RNF213: variants seen among roughly 807,000 people sequenced by gnomAD.
RNF213 encodes the protein E3 ubiquitin-protein ligase RNF213.
Under a neutral mutation model 514.4 loss-of-function variants are expected in RNF213, and 341 were observed. The ratio of observed to expected loss-of-function variants is 0.66; its 90% CI spans 0.61 to 0.73. The LOEUF is 0.73. Among genes scored for constraint, RNF213 ranks in the 30% least tolerant of loss-of-function variants. The pLI, the probability that RNF213 is intolerant of heterozygous loss-of-function variation, is 0.00. For synonymous variants in RNF213, 2,655 were observed against 2,658.2 expected (o/e 1.00, Z 0.04); for missense variants, 5,767 against 6,615.6 (o/e 0.87, Z 4.45).
intron 54 of RNF213, 91 bp from the exon 55 acceptor site, chr17:80,379,529 G>A (rs749783638): frequency 5.8e-6 from 7 of 1,197,318 alleles, no homozygotes; most frequent in African/African-American, 1.5e-5. Flanking sequence ...CACGTCTGCC[G>A]GTGATAAGGA....
intron 54 of RNF213, among the ~76,000 whole-genome samples, chr17:80,378,420 T>C (rs2079849595): frequency 6.6e-6 from 1 of 152,214 alleles, no homozygotes; most frequent in African/African-American, 2.4e-5. Flanking sequence ...AGCAAGAGGC[T>C]GGTGGGTTGA....
Position 80,377,762 on chromosome 17 carries a change from C to T in RNF213, c.13511C>T (p.Thr4504Ile). 6.2e-7 allele frequency: 1 copy of T among 1,614,150 alleles called. No homozygotes were observed. The highest frequency in any genetic ancestry group is 8.5e-7 in the Non-Finnish European group (1 of 1,180,012). ...AATGTGTGTCCTGTTCTCTTCACAG[C>T]TTGTCCCAACGGCCATCCTTGCTCC... ...WKGLERVHWY[T>I]CPNGHPCSVG... The change falls in exon 54 of 68, where the codon ACT becomes ATT. Residue 4504 changes from threonine to isoleucine, a missense_variant and splice_region_variant. Coordinates refer to ENST00000582970, the MANE Select transcript of RNF213 (RefSeq NM_001256071.3). The surrounding 1 kb of genome is among the most constrained non-coding windows in gnomAD (Gnocchi z 4.1).
chr17:80,349,851 A>G lies in RNF213; in HGVS notation c.10033A>G (p.Thr3345Ala). Residue 3345 changes from threonine (T) to alanine (A), a missense_variant, in exon 30 of 68, where the codon ACA becomes GCA. By Grantham distance (58) the Thr-to-Ala change is moderately conservative. Coordinates refer to ENST00000582970, the MANE Select transcript of RNF213 (RefSeq NM_001256071.3). The stretch of plus-strand genomic sequence containing the variant: ...GGTCACAGGCAGGGCTCCGAAACCC[A>G]CACTCCTGTGGCTGCAGCAGTTTGA... ...SEVTGRAPKP[T>A]LLWLQQFDTE... 1 of 1,614,156 alleles carries G rather than the reference A, an allele frequency of 6.2e-7. No homozygotes were observed. The highest frequency in any genetic ancestry group is 8.5e-7 in the Non-Finnish European group (1 of 1,180,014).
chr17:80,367,538 C>G (rs1316642821), intron 42 of RNF213, among the ~76,000 whole-genome samples: 1 of 152,158 alleles, frequency 6.6e-6, no homozygotes, highest in Non-Finnish European at 1.5e-5. Context: ...AAAATCGTAA[C>G]TTGAGAATGT....
intron 3 of RNF213, among the ~76,000 whole-genome samples, chr17:80,285,449 A>AC: frequency 6.6e-6 from 1 of 152,092 alleles, no homozygotes; most frequent in Admixed American, 6.5e-5. Flanking sequence ...CAGGGCTGGG[A>AC]CCCCACCTGC....
At chr17:80,284,690 T>C (rs2044410488) in intron 3 of RNF213, among the ~76,000 whole-genome samples, 2 of 151,998 alleles carry the variant, frequency 1.3e-5, no homozygotes, top group African/African-American at 2.4e-5. Flanking sequence ...TCTCCGGCCC[T>C]GTCTACTCTG....
At position 80,344,994 on chromosome 17, in the gene RNF213, G is replaced by A. The variant is rs764839860; in HGVS notation, c.6659G>A (p.Arg2220Gln). 23 of 1,613,984 alleles carry A rather than the reference G, an allele frequency of 1.4e-5. No homozygotes were observed. Among genetic ancestry groups the A allele is most frequent in the Middle Eastern group, 1.6e-4 (1 of 6,084 alleles). The part of the protein sequence containing the change: ...PSWSELRNFA[R>Q]FLNYQLRDCE... ...TGGTCAGAGCTTCGGAACTTTGCTCGGTTCCTGAATTATCAGCTCAGAGAT... is the reference window on the plus strand; with the variant it reads ...TGGTCAGAGCTTCGGAACTTTGCTCAGTTCCTGAATTATCAGCTCAGAGAT... The change falls in exon 29 of 68, where the codon CGG becomes CAG. Residue 2220 changes from arginine to glutamine, a missense_variant. Around this residue, in one of 13 missense-constraint regions of RNF213, gnomAD observed 1,377 missense variants for 1,635.2 expected, o/e 0.84. Transcript: ENST00000582970.
intron 2 of RNF213, among the ~76,000 whole-genome samples, chr17:80,270,225 T>C (rs1345315427): frequency 6.6e-6 from 1 of 152,240 alleles, no homozygotes; most frequent in Non-Finnish European, 1.5e-5. Flanking sequence ...CCTCCCTGGC[T>C]CTGCCACCCA....
intron 67 of RNF213, 137 bp downstream of exon 67, chr17:80,390,333 T>A: frequency 1.0e-6 from 1 of 986,360 alleles, no homozygotes; most frequent in Non-Finnish European, 1.5e-6. Flanking sequence ...CCAGGGCACC[T>A]GAGGACTGGC....
intron 36 of RNF213, among the ~76,000 whole-genome samples, chr17:80,355,494 AAGC>A (rs1191690518): frequency 1.2e-5 from 1 of 84,950 alleles, no homozygotes; most frequent in African/African-American, 4.2e-5. Context: ...ACAGAGGAAG[AAGC>A]GGGGTGACCG....
In RNF213 at chr17:80,339,217, A is replaced by T; in HGVS notation, c.4850A>T (p.Gln1617Leu). The T allele has an allele frequency of 2.0e-6, 3 of 1,492,976 alleles. No individual in the cohort carries two copies. The highest frequency in any genetic ancestry group is 2.7e-6 in the Non-Finnish European group (3 of 1,122,464). 92.5% of individuals were successfully genotyped at this position (1,492,976 alleles called of 1,614,324 possible). Residue 1617 changes from glutamine to leucine, a missense_variant, in exon 26 of 68, where the codon CAG becomes CTG. Coordinates refer to ENST00000582970, the MANE Select transcript of RNF213 (RefSeq NM_001256071.3). ...CCTCTCCAGGTCTTCTGCAGTGTGC[A>T]GAGGCTCAGCCAGGCCTTCATCGAC... ...ERFSEVFCSV[Q>L]RLSQAFIDLH...
chr17:80,380,023 T>G (rs1012478343), intron 55 of RNF213, among the ~76,000 whole-genome samples: 82 of 152,342 alleles, frequency 5.4e-4, no homozygotes, highest in African/African-American at 1.8e-3. Context: ...CATAAACAGA[T>G]GATCTAATTC....
intron 38 of RNF213, 100 bp from the exon 39 acceptor site, chr17:80,361,634 C>T: frequency 7.4e-7 from 1 of 1,349,376 alleles, no homozygotes; most frequent in Non-Finnish European, 1.1e-6. Context: ...TCCCATTCAA[C>T]AAGGCGTCCC....
At chr17:80,289,422 T>G (rs1196517228) in intron 5 of RNF213, among the ~76,000 whole-genome samples, 1 of 152,008 alleles carries the variant, frequency 6.6e-6, no homozygotes, top group Non-Finnish European at 1.5e-5. Context: ...AAACCCCGTC[T>G]CTACTAAAAA....
In RNF213 at chr17:80,343,248, C is replaced by T. The variant is rs1391942616; in HGVS notation, c.6106C>T (p.Leu2036=). 4 of 1,613,810 alleles carry T rather than the reference C, an allele frequency of 2.5e-6. No individual in the cohort carries two copies. Among genetic ancestry groups the T allele is most frequent in the Non-Finnish European group, 3.4e-6 (4 of 1,179,912 alleles). The change falls in exon 27 of 68, where the codon CTG becomes TTG. Residue 2036 remains leucine (L), a synonymous_variant. Transcript: ENST00000582970. This position sits in a 1 kb window ranked among gnomAD's most constrained non-coding sequence, Gnocchi z 4.3. ...IDPQVDESRV[L]GALLPFLDAQ... ...CCCTCAGGTGGATGAGAGCCGAGTC[C>T]TGGGCGCCCTGCTGCCCTTCCTGGA...
chr17:80,354,442 C>T lies in RNF213; in HGVS notation c.10728C>T (p.Ala3576=). Residue 3576 remains alanine, a splice_region_variant and synonymous_variant, in exon 36 of 68, where the codon GCC becomes GCT. Transcript: ENST00000582970. The part of the protein sequence containing the change: ...GLLNEDDACH[A]SFLRVSKMRL... ...ACGTCTGTTTCTGCCTTTGTACAGC[C>T]TCTTTCTTGCGGGTATCCAAGATGC... 6.2e-7 allele frequency: 1 copy of T among 1,614,234 alleles called. No homozygotes were observed. Among genetic ancestry groups the T allele is most frequent in the Non-Finnish European group, 8.5e-7 (1 of 1,180,042 alleles).
chr17:80,285,867 G>GA (rs758889108), intron 3 of RNF213, among the ~76,000 whole-genome samples: 1 of 152,080 alleles, frequency 6.6e-6, no homozygotes, highest in East Asian at 1.9e-4. Flanking sequence ...AGATGGGGAG[G>GA]ATCTCACCAT....
At chr17:80,314,154 GTGGTGTAGGTGA>G (rs2045728185) in intron 15 of RNF213, among the ~76,000 whole-genome samples, 1 of 129,292 alleles carries the variant, frequency 7.7e-6, no homozygotes, top group Non-Finnish European at 1.7e-5. Context: ...GGTGATGGTG[GTGGTGTAGGTGA>G]TGGTGGAGGT....
chr17:80,386,390 A>C lies in RNF213; in HGVS notation c.14680A>C (p.Ile4894Leu). The stretch of plus-strand genomic sequence containing the variant: ...CTACTTGATTCGCCTACACAATGAA[A>C]TTGTCTACGCCGTGGAAAAACTCTC... ...VSYLIRLHNE[I>L]VYAVEKLSKE... The change falls in exon 62 of 68, where the codon ATT becomes CTT. Residue 4894 changes from isoleucine to leucine, a missense_variant. Coordinates refer to ENST00000582970, the MANE Select transcript of RNF213 (RefSeq NM_001256071.3). 2 of 1,614,116 alleles carry C rather than the reference A, an allele frequency of 1.2e-6. No individual in the cohort carries two copies. The highest frequency in any genetic ancestry group is 1.7e-6 in the Non-Finnish European group (2 of 1,180,032).
Sources: allele counts gnomAD v4.1 joint callset (sites outside exome capture counted in the v4.1 genomes callset), GRCh38; gene constraint gnomAD v4.1.1; regional missense constraint gnomAD v4.1.1; non-coding constraint Gnocchi (gnomAD v3.1); transcripts MANE v1.5; gene names NCBI Gene and HGNC (gene_info 2026-07-23, HGNC 2026-07-21).